The following NT5DC1 variants were observed in gnomAD, a reference collection of about 807,000 sequenced individuals.
The protein encoded by NT5DC1 is 5'-nucleotidase domain-containing protein 1.
In NT5DC1, 42 loss-of-function variants were observed where a neutral mutation model predicts 59.4. The ratio of observed to expected loss-of-function variants is 0.71; its 90% confidence interval spans 0.55 to 0.92. NT5DC1 has a LOEUF of 0.92. Ranked by LOEUF, NT5DC1 falls within the 40% of genes least tolerant of loss-of-function variation. NT5DC1 has a pLI of 0.00. For missense variants in NT5DC1, 501 were observed against 537.1 expected (o/e 0.93, Z 0.66); for synonymous variants, 172 against 188.1 (o/e 0.91, Z 0.70).
At chr6:116,151,649 G>A (rs1490824069) in intron 6 of NT5DC1, among the ~76,000 whole-genome samples, 1 of 152,022 alleles carries the variant, frequency 6.6e-6, no homozygotes, top group Non-Finnish European at 1.5e-5. Flanking sequence ...ATTGGATTTA[G>A]GGTTACATTT....
At chr6:116,178,082 TGTGTGTGCGC>T (rs767864081) in intron 6 of NT5DC1, among the ~76,000 whole-genome samples, 2,508 of 107,212 alleles carry the variant, frequency 0.023, 31 homozygotes, top group South Asian at 0.065. Context: ...TGTGTGTGTG[TGTGTGTGCGC>T]GCGCGCGCGC....
intron 6 of NT5DC1, among the ~76,000 whole-genome samples, chr6:116,184,170 G>GT (rs772318565): frequency 1.3e-5 from 2 of 151,966 alleles, no homozygotes; most frequent in Non-Finnish European, 2.9e-5. Flanking sequence ...TGTGATTTTT[G>GT]TTTCTAATTC....
At chr6:116,225,169 G>T (rs1035719220) in intron 8 of NT5DC1, among the ~76,000 whole-genome samples, 5 of 152,114 alleles carry the variant, frequency 3.3e-5, no homozygotes, top group African/African-American at 7.2e-5. Context: ...TGTGGAGTAG[G>T]GGTTATATCT....
intron 6 of NT5DC1, among the ~76,000 whole-genome samples, chr6:116,211,057 C>T (rs1031432043): frequency 6.6e-6 from 1 of 151,966 alleles, no homozygotes; most frequent in Non-Finnish European, 1.5e-5. Flanking sequence ...TCATAAGGAG[C>T]CTTGCAGCTT....
chr6:116,222,798 TTTTTCC>T (rs1781833678), intron 7 of NT5DC1, among the ~76,000 whole-genome samples: 2 of 152,184 alleles, frequency 1.3e-5, no homozygotes, highest in Admixed American at 1.3e-4. Flanking sequence ...TACTCTCTTT[TTTTTCC>T]TGATTATGTT....
chr6:116,206,587 A>G (rs1262907084), intron 6 of NT5DC1, among the ~76,000 whole-genome samples: 1 of 151,854 alleles, frequency 6.6e-6, no homozygotes, highest in Non-Finnish European at 1.5e-5. Flanking sequence ...TGGAATAGCA[A>G]CTCTCCTTAC....
intron 5 of NT5DC1, among the ~76,000 whole-genome samples, chr6:116,117,597 A>G (rs904132357): frequency 3.9e-4 from 60 of 152,356 alleles, no homozygotes; most frequent in African/African-American, 1.4e-3. Context: ...TCATCAAAAG[A>G]AAGCCTATTT....
intron 4 of NT5DC1, among the ~76,000 whole-genome samples, chr6:116,112,557 T>TCTTACA (rs1778900017): frequency 1.3e-5 from 2 of 152,200 alleles, no homozygotes; most frequent in Non-Finnish European, 2.9e-5. Flanking sequence ...ATCTTAGAGA[T>TCTTACA]TCTGGCATCA....
intron 6 of NT5DC1, among the ~76,000 whole-genome samples, chr6:116,127,332 G>A (rs1412528958): frequency 6.6e-6 from 1 of 152,026 alleles, no homozygotes; most frequent in Non-Finnish European, 1.5e-5. Flanking sequence ...AATGTAAATG[G>A]ATAAGGCATC....
intron 6 of NT5DC1, among the ~76,000 whole-genome samples, chr6:116,212,983 C>A (rs752493517): frequency 3.1e-4 from 47 of 151,956 alleles, no homozygotes; most frequent in Non-Finnish European, 5.4e-4. Context: ...CAATTTAGAG[C>A]CTGTTTACTT....
At chr6:116,122,805 GT>G (rs1372652630) in intron 6 of NT5DC1, among the ~76,000 whole-genome samples, 2 of 152,026 alleles carry the variant, frequency 1.3e-5, no homozygotes, top group East Asian at 1.9e-4. Context: ...GAAAATAATT[GT>G]TTCAGATTTA....
intron 6 of NT5DC1, chr6:116,125,547 T>C: frequency 1.3e-6 from 2 of 1,580,060 alleles, no homozygotes; most frequent in Non-Finnish European, 1.7e-6. Context: ...AGCATTGTTA[T>C]TAACCTATTT....
chr6:116,112,543 T>G (rs1439384372), intron 4 of NT5DC1, among the ~76,000 whole-genome samples: 1 of 152,206 alleles, frequency 6.6e-6, no homozygotes, highest in Non-Finnish European at 1.5e-5. Flanking sequence ...TCTTTTCAAT[T>G]TACATCTTAG....
At chr6:116,125,153 T>C (rs983995260) in intron 6 of NT5DC1, among the ~76,000 whole-genome samples, 5 of 152,224 alleles carry the variant, frequency 3.3e-5, no homozygotes, top group Non-Finnish European at 7.3e-5. Flanking sequence ...AGTATATCCT[T>C]TCTACTACAC....
At chr6:116,183,231 G>T (rs1363530492) in intron 6 of NT5DC1, among the ~76,000 whole-genome samples, 1 of 151,900 alleles carries the variant, frequency 6.6e-6, no homozygotes, top group Non-Finnish European at 1.5e-5. Context: ...CCATTGGTCT[G>T]TGTGCCCGTT....
chr6:116,114,251 AT>A (rs545280805), intron 4 of NT5DC1, among the ~76,000 whole-genome samples: 1,880 of 150,258 alleles, frequency 0.013, 38 homozygotes, highest in African/African-American at 0.041. Context: ...GAAAACTTTG[AT>A]TTTTTTTTTA....
In NT5DC1 at chr6:116,239,254, A is replaced by T; in HGVS notation, c.1252+131A>T. ...ATCTTTGGGGAAAAATCTTCTAGATATGGAACCTAGGTAATTAGGACCAGC... is the reference window on the plus strand; with the variant it reads ...ATCTTTGGGGAAAAATCTTCTAGATTTGGAACCTAGGTAATTAGGACCAGC... On this transcript the variant is annotated intron_variant, in intron 11 of 11. Coordinates refer to ENST00000319550, the MANE Select transcript of NT5DC1 (RefSeq NM_152729.3). 8 of 703,448 alleles carry T rather than the reference A, an allele frequency of 1.1e-5. No homozygotes were observed. In the South Asian group the frequency reaches 1.5e-4, roughly 13 times the overall value. The allele number at this position is 703,448 out of a possible 1,614,324, so 43.6% of individuals were successfully genotyped here.
intron 6 of NT5DC1, among the ~76,000 whole-genome samples, chr6:116,167,693 G>A (rs949481127): frequency 5.9e-5 from 9 of 151,860 alleles, no homozygotes; most frequent in East Asian, 1.9e-4. Context: ...GCAATGTTTC[G>A]GCTCAGTGAC....
intron 6 of NT5DC1, among the ~76,000 whole-genome samples, chr6:116,163,141 A>AAAAAAAAAAAAAAT (rs761718922): frequency 1.1e-5 from 1 of 88,408 alleles, no homozygotes; most frequent in Non-Finnish European, 2.0e-5. Flanking sequence ...AAAAAAAAAA[A>AAAAAAAAAAAAAAT]ATATATATAT....
Sources: allele counts gnomAD v4.1 joint callset (sites outside exome capture counted in the v4.1 genomes callset), GRCh38; gene constraint gnomAD v4.1.1; transcripts MANE v1.5; gene names NCBI Gene and HGNC (gene_info 2026-07-23, HGNC 2026-07-21).